Variants in NT5DC1 observed in about 807,000 individuals in gnomAD.
NT5DC1 encodes the protein 5'-nucleotidase domain containing 1.
Under a neutral mutation model 59.4 loss-of-function variants are expected in NT5DC1, and 42 were observed. That is an observed-to-expected ratio of 0.71 (90% CI 0.55 to 0.92). The LOEUF is 0.92. Ranked by LOEUF, NT5DC1 falls within the 40% of genes least tolerant of loss-of-function variation. NT5DC1 has a pLI of 0.00. For synonymous variants in NT5DC1, 172 were observed against 188.1 expected (o/e 0.91, Z 0.70); for missense variants, 501 against 537.1 (o/e 0.93, Z 0.66).
intron 6 of NT5DC1, among the ~76,000 whole-genome samples, chr6:116,145,988 CCTTA>C (rs1314689082): frequency 1.3e-5 from 2 of 152,182 alleles, no homozygotes; most frequent in African/African-American, 4.8e-5. Context: ...AGAAATCTTT[CCTTA>C]CTTACTTCTG....
intron 6 of NT5DC1, among the ~76,000 whole-genome samples, chr6:116,140,123 C>T (rs907767326): frequency 6.6e-6 from 1 of 152,168 alleles, no homozygotes; most frequent in Non-Finnish European, 1.5e-5. Flanking sequence ...ATGCCGCCCT[C>T]CTATGGACAC....
chr6:116,205,579 C>A (rs1260059001), intron 6 of NT5DC1, among the ~76,000 whole-genome samples: 1 of 151,046 alleles, frequency 6.6e-6, no homozygotes, highest in Non-Finnish European at 1.5e-5. Context: ...AAGGAAATTC[C>A]TTAAATATGT....
intron 6 of NT5DC1, chr6:116,145,438 TA>T: frequency 2.6e-6 from 1 of 379,554 alleles, no homozygotes; most frequent in South Asian, 2.1e-5. Flanking sequence ...TATCTCTTAG[TA>T]AGAAGATTGG....
chr6:116,235,083 T>G (rs1782090886), intron 8 of NT5DC1, among the ~76,000 whole-genome samples: 1 of 151,246 alleles, frequency 6.6e-6, no homozygotes, highest in Non-Finnish European at 1.5e-5. Flanking sequence ...AGTCTCAACA[T>G]TTAAGAAGTT....
chr6:116,242,110 C>T (rs542206588), intron 11 of NT5DC1, among the ~76,000 whole-genome samples: 17 of 151,942 alleles, frequency 1.1e-4, no homozygotes, highest in Non-Finnish European at 2.1e-4. Flanking sequence ...AGCTCAACGC[C>T]TTGTAATCCT....
chr6:116,142,705 T>C lies in NT5DC1; in HGVS notation c.529+24760T>C, dbSNP rs1234442702. ...ATAAGCAGGAAGCAGTGAAATATAT[T>C]AATAGTGTTCTTCCAACCTTGAAAA... On this transcript the variant is annotated intron_variant, in intron 6 of 11. Transcript: ENST00000319550. Among the ~76,000 whole-genome samples, 4 of 152,184 alleles carry C rather than the reference T, an allele frequency of 2.6e-5. No homozygotes were observed. The East Asian group carries it at 5.8e-4, about 22-fold the overall frequency.
At chr6:116,143,646 T>TA (rs1387936508) in intron 6 of NT5DC1, among the ~76,000 whole-genome samples, 1 of 152,224 alleles carries the variant, frequency 6.6e-6, no homozygotes, top group Non-Finnish European at 1.5e-5. Context: ...TGCCATTTTT[T>TA]ATTGCTGTTA....
chr6:116,119,745 T>G (rs947034767), intron 6 of NT5DC1: 2 of 208,060 alleles, frequency 9.6e-6, no homozygotes, highest in African/African-American at 2.4e-5. Flanking sequence ...TCTATTTCTG[T>G]TTTTTTTTTT....
At chr6:116,138,445 A>C (rs1352024961) in intron 6 of NT5DC1, among the ~76,000 whole-genome samples, 4 of 152,152 alleles carry the variant, frequency 2.6e-5, no homozygotes, top group Non-Finnish European at 5.9e-5. Flanking sequence ...AACCATCTCA[A>C]ATTGGTGAAC....
chr6:116,119,354 G>A (rs1779036067), intron 6 of NT5DC1: 1 of 152,366 alleles, frequency 6.6e-6, no homozygotes, highest in Non-Finnish European at 1.5e-5. Flanking sequence ...CTGTTTCCAA[G>A]TTATGCTGGG....
At chr6:116,210,472 G>A (rs183704636) in intron 6 of NT5DC1, among the ~76,000 whole-genome samples, 4 of 152,046 alleles carry the variant, frequency 2.6e-5, no homozygotes, top group Non-Finnish European at 5.9e-5. Flanking sequence ...CAGACCGCCT[G>A]CATTCAAATT....
At chr6:116,144,414 T>G (rs1200832467) in intron 6 of NT5DC1, among the ~76,000 whole-genome samples, 1 of 151,564 alleles carries the variant, frequency 6.6e-6, no homozygotes, top group Non-Finnish European at 1.5e-5. Flanking sequence ...GGCAGGGGAA[T>G]CTCTTGAACC....
intron 6 of NT5DC1, among the ~76,000 whole-genome samples, chr6:116,198,576 T>A (rs1166691006): frequency 1.3e-5 from 2 of 151,428 alleles, no homozygotes; most frequent in Middle Eastern, 3.2e-3. Flanking sequence ...GAAAAAAAAT[T>A]TAAAAATAGC....
At chr6:116,224,305 G>A (rs1781866877) in intron 8 of NT5DC1, among the ~76,000 whole-genome samples, 2 of 152,204 alleles carry the variant, frequency 1.3e-5, no homozygotes, top group South Asian at 4.1e-4. Context: ...TCAGTACTCA[G>A]TGGTGGGCTT....
chr6:116,242,978 A>G (rs1219299089), intron 11 of NT5DC1, among the ~76,000 whole-genome samples: 1 of 152,144 alleles, frequency 6.6e-6, no homozygotes, highest in African/African-American at 2.4e-5. Flanking sequence ...GCTTAGTGTT[A>G]GCTCCTCTCT....
At chr6:116,154,803 A>T (rs1206484138) in intron 6 of NT5DC1, among the ~76,000 whole-genome samples, 1 of 152,140 alleles carries the variant, frequency 6.6e-6, no homozygotes. Flanking sequence ...AGGATTAATA[A>T]CTCTTAGCAG....
At chr6:116,121,513 C>T (rs747962638) in intron 6 of NT5DC1, 4 of 1,614,022 alleles carry the variant, frequency 2.5e-6, no homozygotes, top group Middle Eastern at 1.6e-4. Context: ...GAAGACCCCT[C>T]TCACCTGGAC....
chr6:116,101,137 G>A (rs1778639318), intron 1 of NT5DC1, 114 bp downstream of exon 1: 3 of 720,140 alleles, frequency 4.2e-6, no homozygotes, highest in Admixed American at 3.2e-5. Flanking sequence ...CGGCGGCCGA[G>A]TCTTGCCGCA....
chr6:116,128,858 A>G (rs927866473), intron 6 of NT5DC1, among the ~76,000 whole-genome samples: 3 of 152,174 alleles, frequency 2.0e-5, no homozygotes, highest in African/African-American at 7.2e-5. Flanking sequence ...TCAGTGTTCT[A>G]TTACCACCTT....
Sources: allele counts gnomAD v4.1 joint callset (sites outside exome capture counted in the v4.1 genomes callset), GRCh38; gene constraint gnomAD v4.1.1; transcripts MANE v1.5; gene names NCBI Gene and HGNC (gene_info 2026-07-23, HGNC 2026-07-21).